ZSWIM4: variants seen among roughly 807,000 people sequenced by gnomAD.
ZSWIM4 encodes zinc finger SWIM domain-containing protein 4.
In ZSWIM4, 62 loss-of-function variants were observed where a neutral mutation model predicts 102.5. The ratio of observed to expected loss-of-function variants is 0.60; its 90% CI spans 0.49 to 0.75. ZSWIM4 has a LOEUF of 0.75. Among genes scored for constraint, ZSWIM4 ranks in the 30% least tolerant of loss-of-function variants. ZSWIM4 has a pLI of 0.00. For missense variants in ZSWIM4, 1,280 were observed against 1,529.6 expected, an observed-to-expected ratio of 0.84 and a Z score of 2.72; for synonymous variants, 652 against 674.5, an observed-to-expected ratio of 0.97 and a Z score of 0.52.
Position 13,808,895 on chromosome 19 carries a change from G to T in ZSWIM4, c.772G>T (p.Glu258Ter). 6.2e-7 allele frequency: 1 copy of T among 1,612,492 alleles called. No homozygotes were observed. The highest frequency in any genetic ancestry group is 8.5e-7 in the Non-Finnish European group (1 of 1,179,430). Residue 258 changes from glutamate to a stop codon, truncating the protein, a stop_gained, in exon 4 of 14, where the codon GAG becomes TAG. Transcript: ENST00000590508. LOFTEE classifies it high-confidence loss of function. ...IEDANCWHLD[E>*]EQIQEQVKQL... ...GGACGCCAACTGCTGGCACCTGGAC[G>T]AGGAGCAGATCCAGGAGCAGGTGAA...
Position 13,799,899 on chromosome 19 carries a change from C to T in ZSWIM4, c.333C>T (p.Ala111=). ...GGCTGCACCTGCTCCAGAGCGGGGC[C>T]GTGGACCGCGTGTTGCAAGTGGGTG... ...TRGLHLLQSG[A]VDRVLQVGFH... is the part of the protein sequence containing the mutation. The change falls in exon 2 of 14, where the codon GCC becomes GCT. Residue 111 remains alanine, a synonymous_variant. Transcript: ENST00000590508. 1.2e-6 allele frequency: 2 copies of T among 1,611,708 alleles called. No individual in the cohort carries two copies. Among genetic ancestry groups the T allele is most frequent in the Non-Finnish European group, 1.7e-6 (2 of 1,179,824 alleles).
chr19:13,808,793 A>C (rs1599590140), intron 3 of ZSWIM4, 43 bp from the exon 4 acceptor site: 1 of 1,530,332 alleles, frequency 6.5e-7, no homozygotes, highest in Non-Finnish European at 8.8e-7. Context: ...CCCAACCCCA[A>C]CTCCAGCCCC....
At chr19:13,816,005 A>G (rs1975273827) in intron 7 of ZSWIM4, among the ~76,000 whole-genome samples, 1 of 140,518 alleles carries the variant, frequency 7.1e-6, no homozygotes, top group African/African-American at 2.6e-5. Context: ...GAGGAAAGAA[A>G]GAGGTGGGGA....
At position 13,825,133 on chromosome 19, in the gene ZSWIM4, G is replaced by A. The variant is rs1045935352; in HGVS notation, c.2216-417G>A. Among the ~76,000 whole-genome samples the A allele has an allele frequency of 2.0e-5, 3 of 151,102 alleles. No homozygotes were observed. The highest frequency in any genetic ancestry group is 4.9e-5 in the African/African-American group (2 of 41,040). ...CAGCTGACTGCAACCTCTGCCTCCC[G>A]GGTTCAAGCGATTCTCGTGCCTCAT... On this transcript the variant is annotated intron_variant, in intron 11 of 13. Transcript: ENST00000590508. The surrounding 1 kb of genome is among the most constrained non-coding windows in gnomAD (Gnocchi z 4.6).
intron 10 of ZSWIM4, among the ~76,000 whole-genome samples, chr19:13,822,652 G>A (rs1975497484): frequency 6.6e-6 from 1 of 152,126 alleles, no homozygotes; most frequent in African/African-American, 2.4e-5. Flanking sequence ...AGACTAGCCT[G>A]GCCAACATGA....
chr19:13,807,760 T>C (rs1377521193), intron 3 of ZSWIM4, among the ~76,000 whole-genome samples: 1 of 75,082 alleles, frequency 1.3e-5, no homozygotes, highest in Non-Finnish European at 2.6e-5. Context: ...GATGCATGGA[T>C]GGATGGATGG....
chr19:13,827,864 G>T (rs769263512), intron 12 of ZSWIM4, among the ~76,000 whole-genome samples: 104 of 152,234 alleles, frequency 6.8e-4, no homozygotes, highest in Non-Finnish European at 9.1e-4. Flanking sequence ...TGAAGGTGGG[G>T]CTTATACAGC....
intron 9 of ZSWIM4, 34 bp from the exon 10 acceptor site, chr19:13,819,323 A>C (rs1975394334): frequency 6.2e-7 from 1 of 1,612,208 alleles, no homozygotes; most frequent in East Asian, 2.2e-5. Context: ...AGGCGAGCCC[A>C]CACTTGGGGA....
chr19:13,799,776 G>A lies in ZSWIM4; in HGVS notation c.210G>A (p.Trp70Ter). The A allele has an allele frequency of 6.2e-7, 1 of 1,614,066 alleles. No individual in the cohort carries two copies. The highest frequency in any genetic ancestry group is 8.5e-7 in the Non-Finnish European group (1 of 1,180,004). Residue 70 changes from tryptophan to a stop codon, truncating the protein, a stop_gained, in exon 2 of 14, where the codon TGG (tryptophan) becomes TGA (stop). Transcript: ENST00000590508. LOFTEE classifies it high-confidence loss of function. The stretch of plus-strand genomic sequence containing the variant: ...CCGTCCAGAAGCGCATCGTGTTTTG[G>A]TCGTTTCCACGCAGTGAACGGGAAA... ...PEPVQKRIVF[W>*]SFPRSEREIC... is the part of the protein sequence containing the mutation.
rs763628090 is a variant in ZSWIM4, at chr19:13,823,419, C to T, written c.2134C>T (p.Arg712Cys). ...PSPLDSIMSN[R>C]FPRWFILGHL... is the part of the protein sequence containing the mutation. ...CCCGCTGGACTCCATCATGAGCAAC[C>T]GCTTCCCCCGCTGGTTCATCCTTGG... is the stretch of plus-strand genomic sequence containing the variant. The change falls in exon 11 of 14, where the codon CGC becomes TGC. Residue 712 changes from arginine (R) to cysteine (C), a missense_variant. By Grantham distance (180) the Arg-to-Cys change is radical. Transcript: ENST00000590508. 16 of 1,607,322 alleles carry T rather than the reference C, an allele frequency of 1.0e-5. No individual in the cohort carries two copies. Among genetic ancestry groups the T allele is most frequent in the South Asian group, 6.7e-5 (6 of 90,078 alleles).
At chr19:13,796,058 A>G (rs1974603439) in intron 1 of ZSWIM4, among the ~76,000 whole-genome samples, 1 of 138,912 alleles carries the variant, frequency 7.2e-6, no homozygotes, top group African/African-American at 2.7e-5. Flanking sequence ...AAATCAGGAC[A>G]CTTCCTTCTT....
Position 13,809,337 on chromosome 19 carries a change from T to C in ZSWIM4, c.1012+117T>C. ...CCGCCCTCCATTCGTTTGGCAAACATTTATGAGCGCCTCTAAAGTGCCAGG... is the reference window on the plus strand; with the variant it reads ...CCGCCCTCCATTCGTTTGGCAAACACTTATGAGCGCCTCTAAAGTGCCAGG... On this transcript the variant is annotated intron_variant, in intron 5 of 13. Transcript: ENST00000590508. This position sits in a 1 kb window ranked among gnomAD's most constrained non-coding sequence, Gnocchi z 4.2. 1 of 1,371,726 alleles carries C rather than the reference T, an allele frequency of 7.3e-7. No individual in the cohort carries two copies. The highest frequency in any genetic ancestry group is 2.7e-5 in the Admixed American group (1 of 37,008). 85.0% of individuals were successfully genotyped at this position (1,371,726 alleles called of 1,614,324 possible).
intron 5 of ZSWIM4, among the ~76,000 whole-genome samples, chr19:13,810,482 G>A (rs891187582): frequency 1.3e-5 from 2 of 151,052 alleles, no homozygotes; most frequent in East Asian, 1.9e-4. Flanking sequence ...TAGTAGAGAC[G>A]GAGTTTCACC....
intron 5 of ZSWIM4, among the ~76,000 whole-genome samples, chr19:13,810,442 G>C (rs2145298599): frequency 6.6e-6 from 1 of 151,282 alleles, no homozygotes; most frequent in African/African-American, 2.4e-5. Context: ...ATAGGTGCGT[G>C]CCACCATGCC....
At chr19:13,801,852 G>T (rs954399752) in intron 2 of ZSWIM4, among the ~76,000 whole-genome samples, 2 of 148,462 alleles carry the variant, frequency 1.3e-5, no homozygotes, top group Non-Finnish European at 3.0e-5. Flanking sequence ...TTGTATTTTT[G>T]TAGAGACAGG....
chr19:13,821,731 T>C (rs546697840), intron 10 of ZSWIM4, among the ~76,000 whole-genome samples: 19 of 152,128 alleles, frequency 1.2e-4, no homozygotes, highest in African/African-American at 4.6e-4. Context: ...AAATTTTTTT[T>C]TTTTTGAGAG....
intron 1 of ZSWIM4, among the ~76,000 whole-genome samples, chr19:13,798,191 C>T (rs141281123): frequency 1.8e-4 from 28 of 152,074 alleles, no homozygotes; most frequent in African/African-American, 4.8e-4. Context: ...ACAATGATTG[C>T]GCAATGACAC....
chr19:13,832,068 C>T lies in ZSWIM4; in HGVS notation c.*1018C>T, dbSNP rs1386129854. 1 of 147,046 alleles carries T rather than the reference C, an allele frequency of 6.8e-6. No homozygotes were observed. The highest frequency in any genetic ancestry group is 1.5e-5 in the Non-Finnish European group (1 of 66,952). 9.1% of individuals were successfully genotyped at this position (147,046 alleles called of 1,614,324 possible). On this transcript the variant is annotated 3_prime_UTR_variant, in exon 14 of 14. Transcript: ENST00000590508. ...CTTCTTGTATATTAAGGACAAAATACCACATCATTTTGTAACTTTTTTTCT... is the reference window on the plus strand; with the variant it reads ...CTTCTTGTATATTAAGGACAAAATATCACATCATTTTGTAACTTTTTTTCT...
intron 2 of ZSWIM4, among the ~76,000 whole-genome samples, chr19:13,802,080 A>G (rs1974786731): frequency 6.7e-6 from 1 of 148,242 alleles, no homozygotes; most frequent in Non-Finnish European, 1.5e-5. Flanking sequence ...GGTTCACACC[A>G]TTCTCCTGCC....
Sources: allele counts gnomAD v4.1 joint callset (sites outside exome capture counted in the v4.1 genomes callset), GRCh38; gene constraint gnomAD v4.1.1; non-coding constraint Gnocchi (gnomAD v3.1); transcripts MANE v1.5; gene names NCBI Gene and HGNC (gene_info 2026-07-23, HGNC 2026-07-21).